CTDSPL: variants seen among roughly 807,000 people sequenced by gnomAD.
CTDSPL encodes the protein CTD small phosphatase-like protein.
CTDSPL carries 8 observed loss-of-function variants against 30.5 expected under a neutral mutation model. The observed-to-expected ratio is 0.26, with a 90% CI of 0.15 to 0.47. CTDSPL has a LOEUF of 0.47. Among genes scored for constraint, CTDSPL ranks in the 20% least tolerant of loss-of-function variants. The pLI is 0.99. For synonymous variants in CTDSPL, 110 were observed against 137.9 expected (o/e 0.80, Z 1.42); for missense variants, 248 against 366.1 (o/e 0.68, Z 2.63).
chr3:37,897,879 A>G (rs1343898336), intron 1 of CTDSPL, among the ~76,000 whole-genome samples: 3 of 152,188 alleles, frequency 2.0e-5, no homozygotes, highest in Non-Finnish European at 4.4e-5. Context: ...TGTGTGTGAT[A>G]ACTGGCTTAG....
chr3:37,921,587 A>AT (rs1698715708), intron 1 of CTDSPL, among the ~76,000 whole-genome samples: 1 of 149,714 alleles, frequency 6.7e-6, no homozygotes, highest in Non-Finnish European at 1.5e-5. Flanking sequence ...GATGGTCGAT[A>AT]TAAGAAACAA....
intron 7 of CTDSPL, 115 bp from the exon 8 acceptor site, chr3:37,980,627 G>C: frequency 7.6e-7 from 1 of 1,320,582 alleles, no homozygotes; most frequent in East Asian, 2.5e-5. Flanking sequence ...TAACGATGAT[G>C]ACACCAGTCG....
chr3:37,915,572 C>T (rs1698636205), intron 1 of CTDSPL, among the ~76,000 whole-genome samples: 2 of 152,122 alleles, frequency 1.3e-5, no homozygotes, highest in Non-Finnish European at 2.9e-5. Context: ...TGCTATTAAA[C>T]CCCCATATTG....
chr3:37,875,873 C>A (rs956949688), intron 1 of CTDSPL, among the ~76,000 whole-genome samples: 22 of 152,150 alleles, frequency 1.4e-4, no homozygotes, highest in Non-Finnish European at 1.5e-4. Context: ...TATTGGTAAG[C>A]GTTAGTTTTT....
At chr3:37,870,375 C>CT (rs779998449) in intron 1 of CTDSPL, among the ~76,000 whole-genome samples, 12 of 151,946 alleles carry the variant, frequency 7.9e-5, no homozygotes, top group Non-Finnish European at 1.8e-4. Flanking sequence ...CCCTTATTAC[C>CT]TTTTTGATGC....
Position 37,877,669 on chromosome 3 carries a change from GT to G in CTDSPL, c.79+15395del, listed in dbSNP as rs1047745419. ...TTTGAGTAACTTCCTGTATTAGTCT[GT>G]TTTGCATTGCTATAAAGAAACACAT... On this transcript the variant is annotated intron_variant, in intron 1 of 7. Coordinates refer to ENST00000273179, the MANE Select transcript of CTDSPL (RefSeq NM_001008392.2). Among the ~76,000 whole-genome samples the G allele has an allele frequency of 4.3e-5, 6 of 139,156 alleles. No homozygotes were observed. In the South Asian group the frequency reaches 9.8e-4, roughly 23 times the overall value. The allele number at this position is 139,156 out of a possible 152,430, so 91.3% of individuals were successfully genotyped here. A position where few individuals can be genotyped will look rare whatever the true frequency, so the allele number is the denominator to read the frequency against.
Position 37,979,745 on chromosome 3 carries a change from G to A in CTDSPL, c.706-997G>A, listed in dbSNP as rs564052183. On this transcript the variant is annotated intron_variant, in intron 7 of 7. Transcript: ENST00000273179. ...ACTGCACTCAAGCCTGGGTGACAGAGTGTGACGCTGTGTCACACACACACA... is the reference window on the plus strand; with the variant it reads ...ACTGCACTCAAGCCTGGGTGACAGAATGTGACGCTGTGTCACACACACACA... Among the ~76,000 whole-genome samples, 21 of 152,118 alleles carry A rather than the reference G, an allele frequency of 1.4e-4. No homozygotes were observed. The South Asian group carries it at 2.5e-3, about 18-fold the overall frequency.
intron 5 of CTDSPL, chr3:37,969,470 C>T: frequency 2.0e-6 from 1 of 508,566 alleles, no homozygotes; most frequent in Non-Finnish European, 4.1e-6. Flanking sequence ...TGGTTACTTG[C>T]ACGGGGACGC....
At chr3:37,905,612 C>T (rs1210289552) in intron 1 of CTDSPL, among the ~76,000 whole-genome samples, 1 of 152,220 alleles carries the variant, frequency 6.6e-6, no homozygotes, top group Non-Finnish European at 1.5e-5. Flanking sequence ...CCTTGTGCCA[C>T]AGCTGGGCAC....
At chr3:37,925,355 C>T (rs1172994364) in intron 1 of CTDSPL, among the ~76,000 whole-genome samples, 1 of 152,152 alleles carries the variant, frequency 6.6e-6, no homozygotes, top group Non-Finnish European at 1.5e-5. Context: ...AAAGGCATAC[C>T]CTCCAAGCAT....
intron 5 of CTDSPL, chr3:37,969,529 G>T: frequency 2.3e-6 from 1 of 432,026 alleles, no homozygotes; most frequent in Non-Finnish European, 4.7e-6. Context: ...TCTGCCAGAG[G>T]CACCAACACC....
chr3:37,906,137 G>A (rs1213020226), intron 1 of CTDSPL, among the ~76,000 whole-genome samples: 1 of 152,182 alleles, frequency 6.6e-6, no homozygotes, highest in African/African-American at 2.4e-5. Context: ...CGACCAGTGG[G>A]GACTCTATGA....
intron 1 of CTDSPL, among the ~76,000 whole-genome samples, chr3:37,918,277 A>G (rs923822081): frequency 1.3e-5 from 2 of 152,084 alleles, no homozygotes; most frequent in Non-Finnish European, 1.5e-5. Flanking sequence ...TCTATCTAGT[A>G]TCAGGAAATT....
At chr3:37,899,169 C>T (rs1019358455) in intron 1 of CTDSPL, among the ~76,000 whole-genome samples, 2 of 152,126 alleles carry the variant, frequency 1.3e-5, no homozygotes, top group African/African-American at 4.8e-5. Flanking sequence ...CCCAGAAGAG[C>T]AGTCTTGGCT....
At chr3:37,920,131 G>C (rs1013830073) in intron 1 of CTDSPL, among the ~76,000 whole-genome samples, 1 of 152,148 alleles carries the variant, frequency 6.6e-6, no homozygotes, top group Admixed American at 6.5e-5. Flanking sequence ...GTCAGGACTG[G>C]TTCCTTCTGG....
At position 37,862,651 on chromosome 3, in the gene CTDSPL, T is replaced by G. The variant is rs188270058; in HGVS notation, c.79+373T>G. Among the ~76,000 whole-genome samples, 1 of 152,218 alleles carries G rather than the reference T, an allele frequency of 6.6e-6. No individual in the cohort carries two copies. Among genetic ancestry groups the G allele is most frequent in the Admixed American group, 6.5e-5 (1 of 15,288 alleles). On this transcript the variant is annotated intron_variant, in intron 1 of 7. Transcript: ENST00000273179. The surrounding 1 kb of genome is among the most constrained non-coding windows in gnomAD (Gnocchi z 4.3). ...CGGACAGAGTGATTGTAAGGATATGTGTGCACCTCACAGAGAGGTTGTGAG... is the reference window on the plus strand; with the variant it reads ...CGGACAGAGTGATTGTAAGGATATGGGTGCACCTCACAGAGAGGTTGTGAG...
chr3:37,979,379 G>A (rs188551459), intron 7 of CTDSPL, among the ~76,000 whole-genome samples: 1 of 152,200 alleles, frequency 6.6e-6, no homozygotes, highest in East Asian at 1.9e-4. Context: ...GAGGTGGGTG[G>A]ATCACCTGAG....
At chr3:37,966,390 C>G (rs192677581) in intron 4 of CTDSPL, among the ~76,000 whole-genome samples, 6 of 152,326 alleles carry the variant, frequency 3.9e-5, no homozygotes, top group Non-Finnish European at 8.8e-5. Context: ...TCATGGATCC[C>G]AAGTGAAGAA....
At chr3:37,955,813 A>G (rs1056757702) in intron 2 of CTDSPL, among the ~76,000 whole-genome samples, 1 of 151,492 alleles carries the variant, frequency 6.6e-6, no homozygotes, top group African/African-American at 2.4e-5. Context: ...CTATATAACA[A>G]ACCTGCACAT....
Sources: gnomAD v4.1 joint callset for allele counts (sites outside exome capture counted in the v4.1 genomes callset) on GRCh38, gnomAD v4.1.1 for gene constraint, Gnocchi (gnomAD v3.1) non-coding constraint, MANE v1.5 for transcripts, NCBI Gene and HGNC (gene_info 2026-07-23, HGNC 2026-07-21) for gene names.